The following SCMH1 variants were observed in gnomAD, a reference collection of about 807,000 sequenced individuals.
SCMH1 encodes Scm polycomb group protein homolog 1, also known as polycomb protein SCMH1.
In SCMH1, 37 loss-of-function variants were observed where a neutral mutation model predicts 70.8. The ratio of observed to expected loss-of-function variants is 0.52; its 90% CI spans 0.40 to 0.69. The LOEUF (loss-of-function observed/expected upper bound fraction) is 0.69. SCMH1 is among the 30% of genes least tolerant of loss of function. The pLI is 0.00. For missense variants in SCMH1, 607 were observed against 827.3 expected, an observed-to-expected ratio of 0.73 and a Z score of 3.27; for synonymous variants, 292 against 307.4, an observed-to-expected ratio of 0.95 and a Z score of 0.52.
chr1:41,204,976 C>T (rs1030247468), intron 1 of SCMH1, among the ~76,000 whole-genome samples: 2 of 152,092 alleles, frequency 1.3e-5, no homozygotes, highest in Admixed American at 6.5e-5. Context: ...ATTGAAAATA[C>T]ATTATACTTG....
chr1:41,174,172 T>G (rs1646965366), intron 2 of SCMH1, among the ~76,000 whole-genome samples: 2 of 152,150 alleles, frequency 1.3e-5, no homozygotes, highest in Non-Finnish European at 2.9e-5. Flanking sequence ...ATTGTGTACA[T>G]GTATTGAAAT....
Position 41,096,440 on chromosome 1 carries a change from A to G in SCMH1, c.745+16843T>C, listed in dbSNP as rs537706603. On this transcript the variant is annotated intron_variant, in intron 8 of 14. Transcript: ENST00000337495. ...AAAATAGATAATAGTACTTACCTACAGATTATTGTCAAGATTACATGAAAT... is the reference window on the plus strand; with the variant it reads ...AAAATAGATAATAGTACTTACCTACGGATTATTGTCAAGATTACATGAAAT... Among the ~76,000 whole-genome samples the G allele has an allele frequency of 1.9e-4, 29 of 152,338 alleles. No individual in the cohort carries two copies. The South Asian group carries it at 5.8e-3, about 30-fold the overall frequency.
In SCMH1 at chr1:41,164,866, T is replaced by C. The variant is rs1037058034; in HGVS notation, c.14-3434A>G. Among the ~76,000 whole-genome samples, 4 of 152,136 alleles carry C rather than the reference T, an allele frequency of 2.6e-5. 1 individual carries two copies. The highest frequency in any genetic ancestry group is 9.7e-5 in the African/African-American group (4 of 41,450). ...ATAGCAATTAGTATATCCATTACTTTAAATATTTATAATTTCTTTGTGGTG... is the reference window on the plus strand; with the variant it reads ...ATAGCAATTAGTATATCCATTACTTCAAATATTTATAATTTCTTTGTGGTG... On this transcript the variant is annotated intron_variant, in intron 2 of 14. Transcript: ENST00000337495.
rs1669290035 is a variant in SCMH1 at position 41,111,723 on chromosome 1, A to T, written c.745+1560T>A. Among the ~76,000 whole-genome samples, 4 of 152,068 alleles carry T rather than the reference A, an allele frequency of 2.6e-5. No individual in the cohort carries two copies. In the South Asian group the frequency reaches 6.2e-4, roughly 24 times the overall value. ...CCCTTGGAACACAGCAAACTCACTC[A>T]TGTCTCAGCATCATTATATTAGTTG... On this transcript the variant is annotated intron_variant, in intron 8 of 14. Coordinates refer to ENST00000337495, the Ensembl canonical transcript of SCMH1.
chr1:41,077,901 C>G (rs974265201), intron 8 of SCMH1, among the ~76,000 whole-genome samples: 6 of 151,998 alleles, frequency 3.9e-5, no homozygotes, highest in African/African-American at 1.4e-4. Flanking sequence ...ACAGTGTGAT[C>G]AGTAATCAAG....
At chr1:41,188,598 T>C (rs943397198) in intron 1 of SCMH1, among the ~76,000 whole-genome samples, 1 of 152,184 alleles carries the variant, frequency 6.6e-6, no homozygotes, top group African/African-American at 2.4e-5. Context: ...ATGTAATGAC[T>C]CCGTATTTCT....
intron 10 of SCMH1, among the ~76,000 whole-genome samples, chr1:41,066,407 T>C (rs2148845929): frequency 6.6e-6 from 1 of 152,316 alleles, no homozygotes; most frequent in South Asian, 2.1e-4. Flanking sequence ...GGTAGGCTGC[T>C]TCTCTTCTTT....
intron 6 of SCMH1, among the ~76,000 whole-genome samples, chr1:41,118,717 A>T (rs1671155664): frequency 6.6e-6 from 1 of 152,226 alleles, no homozygotes; most frequent in Admixed American, 6.5e-5. Context: ...TAAAAATAAG[A>T]TCATTATTAC....
chr1:41,147,727 T>G (rs1644714227), intron 5 of SCMH1, among the ~76,000 whole-genome samples: 1 of 151,830 alleles, frequency 6.6e-6, no homozygotes, highest in African/African-American at 2.4e-5. Context: ...TTTGTCTGAT[T>G]TCTTTATCAT....
At chr1:41,066,024 T>C (rs1462798691) in intron 10 of SCMH1, among the ~76,000 whole-genome samples, 1 of 152,190 alleles carries the variant, frequency 6.6e-6, no homozygotes, top group Admixed American at 6.5e-5. Flanking sequence ...TTGTGAGTCC[T>C]ACCTATGGGA....
intron 11 of SCMH1, 74 bp from the exon 12 acceptor site, chr1:41,046,672 C>A: frequency 8.6e-7 from 1 of 1,161,874 alleles, no homozygotes; most frequent in Non-Finnish European, 1.3e-6. Context: ...ACGAGTCCAG[C>A]CCACTGCTTG....
intron 1 of SCMH1, among the ~76,000 whole-genome samples, chr1:41,241,649 C>T (rs535381882): frequency 6.6e-6 from 1 of 152,054 alleles, no homozygotes; most frequent in African/African-American, 2.4e-5. Context: ...CGGCCCTCGG[C>T]CCCCAGCCAG....
chr1:41,104,186 C>T (rs926725309), intron 8 of SCMH1, among the ~76,000 whole-genome samples: 6 of 152,172 alleles, frequency 3.9e-5, no homozygotes, highest in Non-Finnish European at 8.8e-5. Flanking sequence ...ATCATTCAAT[C>T]AACTGGGGAG....
At chr1:41,032,823 C>T (rs1465520785) in intron 13 of SCMH1, among the ~76,000 whole-genome samples, 2 of 151,860 alleles carry the variant, frequency 1.3e-5, no homozygotes, top group African/African-American at 4.8e-5. Flanking sequence ...ACTAAAAATA[C>T]AAAAAATTAG....
At chr1:41,121,212 G>A (rs1447463449) in intron 6 of SCMH1, among the ~76,000 whole-genome samples, 1 of 152,186 alleles carries the variant, frequency 6.6e-6, no homozygotes, top group Non-Finnish European at 1.5e-5. Context: ...ACAGGCAGGA[G>A]TTAGATAAAC....
intron 8 of SCMH1, among the ~76,000 whole-genome samples, chr1:41,111,866 G>GC (rs1669319620): frequency 6.6e-6 from 1 of 152,058 alleles, no homozygotes; most frequent in African/African-American, 2.4e-5. Context: ...TCCTAAACAA[G>GC]TTTCCCCTCT....
chr1:41,178,101 A>C (rs1374272560), intron 2 of SCMH1, among the ~76,000 whole-genome samples: 1 of 152,238 alleles, frequency 6.6e-6, no homozygotes, highest in Non-Finnish European at 1.5e-5. Context: ...CTTAAAGAAA[A>C]GAATTTTCAA....
chr1:41,239,879 C>A (rs1172927707), intron 1 of SCMH1, among the ~76,000 whole-genome samples: 1 of 152,204 alleles, frequency 6.6e-6, no homozygotes, highest in Admixed American at 6.5e-5. Flanking sequence ...CAAAGAGTTG[C>A]CTGCCTCAGC....
At chr1:41,209,532 T>C (rs1192627758) in intron 1 of SCMH1, among the ~76,000 whole-genome samples, 4 of 152,224 alleles carry the variant, frequency 2.6e-5, no homozygotes, top group Admixed American at 6.5e-5. Context: ...TCAAGTCGGC[T>C]TCATCCCTGG....
Sources: gnomAD v4.1 joint callset for allele counts (sites outside exome capture counted in the v4.1 genomes callset) on GRCh38, gnomAD v4.1.1 for gene constraint, MANE v1.5 for transcripts, NCBI Gene and HGNC (gene_info 2026-07-23, HGNC 2026-07-21) for gene names.